WDR72: variants seen among roughly 807,000 people sequenced by gnomAD.
The protein encoded by WDR72 is WD repeat-containing protein 72.
Under a neutral mutation model 124.2 loss-of-function variants are expected in WDR72, and 120 were observed. The observed-to-expected ratio is 0.97, with a 90% CI of 0.83 to 1.12. WDR72 has a LOEUF of 1.12. Ranked by LOEUF, WDR72 falls within the 50% of genes most tolerant of loss-of-function variation. The pLI, the probability that WDR72 is intolerant of heterozygous loss-of-function variation, is 0.00. For synonymous variants in WDR72, 452 were observed against 441.7 expected, an observed-to-expected ratio of 1.02 and a Z score of -0.29; for missense variants, 1,387 against 1,278.8, an observed-to-expected ratio of 1.08 and a Z score of -1.29.
intron 17 of WDR72, among the ~76,000 whole-genome samples, chr15:53,609,113 C>T (rs1444623978): frequency 1.3e-5 from 2 of 151,724 alleles, no homozygotes; most frequent in Non-Finnish European, 2.9e-5. Context: ...TCATATACCC[C>T]ATAAATATAT....
intron 1 of WDR72, among the ~76,000 whole-genome samples, chr15:53,758,381 A>T (rs1486751791): frequency 6.6e-6 from 1 of 152,138 alleles, no homozygotes; most frequent in Non-Finnish European, 1.5e-5. Flanking sequence ...AACTCAATAT[A>T]AAATATTAAT....
At chr15:53,687,184 T>C (rs1256864046) in intron 13 of WDR72, among the ~76,000 whole-genome samples, 1 of 147,624 alleles carries the variant, frequency 6.8e-6, no homozygotes, top group African/African-American at 2.5e-5. Flanking sequence ...ATTCAAAAGC[T>C]AGCAGAAGGC....
Position 53,615,611 on chromosome 15 carries a change from C to A in WDR72, c.2595G>T (p.Arg865Ser), listed in dbSNP as rs1367682232. The A allele has an allele frequency of 1.9e-6, 3 of 1,612,562 alleles. No homozygotes were observed. The South Asian group carries it at 3.3e-5, about 18-fold the overall frequency. The change falls in exon 15 of 20, where the codon AGG (arginine) becomes AGT (serine). Residue 865 changes from arginine (R) to serine (S), a missense_variant. Physicochemically the swap from Arg to Ser is moderately radical, Grantham distance 110 (BLOSUM62 -1). Coordinates refer to ENST00000360509, the MANE Select transcript of WDR72 (RefSeq NM_182758.4). Reference protein sequence around the residue: ...KDYSGVNLFSRKVLDLSDKYT... With the variant: ...KDYSGVNLFSSKVLDLSDKYT... ...ATTTATCTGACAAGTCCAAAACTTTCCTGGAAAATAAATTTACTCCTGAAT... is the reference window on the plus strand; with the variant it reads ...ATTTATCTGACAAGTCCAAAACTTTACTGGAAAATAAATTTACTCCTGAAT...
intron 14 of WDR72, among the ~76,000 whole-genome samples, chr15:53,634,480 T>C (rs758287268): frequency 6.6e-6 from 1 of 152,232 alleles, no homozygotes; most frequent in Non-Finnish European, 1.5e-5. Context: ...CTAACACTAA[T>C]GATAGTTGAT....
intron 14 of WDR72, 101 bp downstream of exon 14, chr15:53,665,471 G>A (rs1245416554): frequency 1.5e-6 from 2 of 1,343,718 alleles, no homozygotes; most frequent in Non-Finnish European, 2.1e-6. Context: ...CTTAGTTCTT[G>A]TTTTCATGCT....
At chr15:53,680,366 T>C (rs1244638962) in intron 13 of WDR72, among the ~76,000 whole-genome samples, 1 of 152,220 alleles carries the variant, frequency 6.6e-6, no homozygotes, top group Admixed American at 6.5e-5. Flanking sequence ...CAAGTTTCTT[T>C]ACACAATTAT....
chr15:53,640,170 C>T (rs923886553), intron 14 of WDR72, among the ~76,000 whole-genome samples: 1 of 152,300 alleles, frequency 6.6e-6, no homozygotes, highest in African/African-American at 2.4e-5. Context: ...CCATCTCTAA[C>T]CTCTGTGTGA....
At chr15:53,548,148 A>G (rs529211999) in intron 18 of WDR72, among the ~76,000 whole-genome samples, 2 of 152,184 alleles carry the variant, frequency 1.3e-5, no homozygotes, top group Non-Finnish European at 2.9e-5. Context: ...CTTACTCCCT[A>G]TAGTAATTTA....
rs1314753408 is a variant in WDR72 at position 53,545,716 on chromosome 15, G to A, written c.3149-22394C>T. Reference sequence around the variant, plus strand: ...CACCGCAAAAGAAACTACCATCAGAGTGAGCAGGCAACCTACAAAATGGGA... The same window carrying A: ...CACCGCAAAAGAAACTACCATCAGAATGAGCAGGCAACCTACAAAATGGGA... On this transcript the variant is annotated intron_variant, in intron 18 of 19. Transcript: ENST00000360509. 3.7e-5 allele frequency among the ~76,000 whole-genome samples: 5 copies of A among 133,364 alleles called. No homozygotes were observed. The Admixed American group carries it at 3.8e-4, about 10-fold the overall frequency. 87.5% of individuals were successfully genotyped at this position (133,364 alleles called of 152,430 possible).
chr15:53,532,670 G>C (rs1250324812), intron 18 of WDR72, among the ~76,000 whole-genome samples: 1 of 152,010 alleles, frequency 6.6e-6, no homozygotes, highest in East Asian at 1.9e-4. Flanking sequence ...AGAAGGGATG[G>C]TTAATGAGTA....
Position 53,615,893 on chromosome 15 carries a change from T to C in WDR72, c.2313A>G (p.Lys771=). Residue 771 remains lysine (K), a synonymous_variant, in exon 15 of 20, where the codon AAA becomes AAG. Coordinates refer to ENST00000360509, the MANE Select transcript of WDR72 (RefSeq NM_182758.4). ...EENDGIKRQK[K]MKISKKMQPK... ...GCTGCATTTTTTTGGAGATCTTCAT[T>C]TTCTTCTGCCTTTTAATGCCATCAT... 1.2e-6 allele frequency: 2 copies of C among 1,613,574 alleles called. No individual in the cohort carries two copies. Among genetic ancestry groups the C allele is most frequent in the Non-Finnish European group, 1.7e-6 (2 of 1,179,678 alleles).
At chr15:53,678,621 C>T (rs1026280916) in intron 13 of WDR72, among the ~76,000 whole-genome samples, 2 of 152,146 alleles carry the variant, frequency 1.3e-5, no homozygotes, top group Admixed American at 6.5e-5. Context: ...AGAGACTTTC[C>T]GGCATCAGCC....
chr15:53,603,220 G>A lies in WDR72; in HGVS notation c.2953-5946C>T, dbSNP rs536326943. 4.6e-5 allele frequency among the ~76,000 whole-genome samples: 7 copies of A among 151,720 alleles called. No homozygotes were observed. The South Asian group carries it at 1.3e-3, about 27-fold the overall frequency. Reference sequence around the variant, plus strand: ...ATAAATATGATTCATCACATAAACAGAACTAAAGACAAAAACCACATGATT... The same window carrying A: ...ATAAATATGATTCATCACATAAACAAAACTAAAGACAAAAACCACATGATT... On this transcript the variant is annotated intron_variant, in intron 17 of 19. Coordinates refer to ENST00000360509, the MANE Select transcript of WDR72 (RefSeq NM_182758.4).
rs1443297037 is a variant in WDR72 at position 53,523,294 on chromosome 15, GC to G, written c.3176del (p.Ser1059ThrfsTer35). 1 of 1,612,646 alleles carries G rather than the reference GC, an allele frequency of 6.2e-7. No homozygotes were observed. The highest frequency in any genetic ancestry group is 8.5e-7 in the Non-Finnish European group (1 of 1,179,376). ...CTTGGAAGTTTGCCGAGTTTGAGTT[GC>G]TGTCATGCTTGACCGGGCTGACTGG... ...QTPVSPVKHD[S>X]NSNSANFQDV... On this transcript the variant is annotated frameshift_variant, in exon 19 of 20. Transcript: ENST00000360509. LOFTEE classifies it high-confidence loss of function.
chr15:53,591,537 G>A (rs1243248359), intron 18 of WDR72, among the ~76,000 whole-genome samples: 3 of 151,960 alleles, frequency 2.0e-5, no homozygotes, highest in Non-Finnish European at 2.9e-5. Context: ...TCTGAAATAC[G>A]CATCAACAAT....
At chr15:53,761,578 C>T (rs562573326), upstream of WDR72, among the ~76,000 whole-genome samples, 20 of 152,290 alleles carry the variant, frequency 1.3e-4, no homozygotes, top group South Asian at 1.5e-3. Context: ...GTAATCCCAG[C>T]GCTTTAGGAG....
At chr15:53,620,312 GTCAA>G (rs2013939764) in intron 14 of WDR72, among the ~76,000 whole-genome samples, 2 of 151,666 alleles carry the variant, frequency 1.3e-5, no homozygotes, top group Non-Finnish European at 2.9e-5. Flanking sequence ...CATATATATT[GTCAA>G]TGGAAAATAT....
At position 53,707,962 on chromosome 15, in the gene WDR72, A is replaced by G. The variant is rs527538509; in HGVS notation, c.955-1888T>C. On this transcript the variant is annotated intron_variant, in intron 9 of 19. Transcript: ENST00000360509. ...GGGTTACTCGAGTTGGTGGCAGCAC[A>G]ACTCCTCCCAGCTGGTGCTTTGCCT... Among the ~76,000 whole-genome samples, 15 of 152,234 alleles carry G rather than the reference A, an allele frequency of 9.9e-5. No individual in the cohort carries two copies. In the South Asian group the frequency reaches 2.9e-3, roughly 29 times the overall value.
At chr15:53,682,649 A>C (rs897824979) in intron 13 of WDR72, among the ~76,000 whole-genome samples, 9 of 152,122 alleles carry the variant, frequency 5.9e-5, no homozygotes, top group African/African-American at 2.2e-4. Context: ...GAAGTCCCAC[A>C]TATCTCTAGG....
Sources: gnomAD v4.1 joint callset for allele counts (sites outside exome capture counted in the v4.1 genomes callset) on GRCh38, gnomAD v4.1.1 for gene constraint, MANE v1.5 for transcripts, NCBI Gene and HGNC (gene_info 2026-07-23, HGNC 2026-07-21) for gene names.